The following GOLM2 variants were observed in gnomAD, a reference collection of about 807,000 sequenced individuals.
The protein encoded by GOLM2 is golgi membrane protein 2.
In GOLM2, 26 loss-of-function variants were observed where a neutral mutation model predicts 55.9. The ratio of observed to expected loss-of-function variants is 0.47; its 90% CI spans 0.34 to 0.65. The LOEUF is 0.65. Among genes scored for constraint, GOLM2 ranks in the 30% least tolerant of loss-of-function variants. GOLM2 has a pLI of 0.01. For missense variants in GOLM2, 486 were observed against 531.8 expected (o/e 0.91, Z 0.85); for synonymous variants, 165 against 194.6 (o/e 0.85, Z 1.27).
intron 1 of GOLM2, among the ~76,000 whole-genome samples, chr15:44,298,091 G>C (rs574657586): frequency 6.6e-6 from 1 of 150,716 alleles, no homozygotes; most frequent in African/African-American, 2.4e-5. Flanking sequence ...AGCTGGTCTC[G>C]AACTCCTGAC....
At chr15:44,351,315 G>A (rs916580160) in intron 6 of GOLM2, among the ~76,000 whole-genome samples, 1 of 152,066 alleles carries the variant, frequency 6.6e-6, no homozygotes, top group Non-Finnish European at 1.5e-5. Context: ...GGTGGCTCAC[G>A]CCTGTAATCC....
At chr15:44,315,694 G>A (rs1380979594) in intron 1 of GOLM2, among the ~76,000 whole-genome samples, 1 of 152,084 alleles carries the variant, frequency 6.6e-6, no homozygotes, top group Non-Finnish European at 1.5e-5. Flanking sequence ...TCTCAGGAAG[G>A]ACAGTAAACA....
chr15:44,384,577 T>C (rs1267468226), intron 8 of GOLM2, among the ~76,000 whole-genome samples: 3 of 152,070 alleles, frequency 2.0e-5, no homozygotes, highest in African/African-American at 7.2e-5. Context: ...AAACCCTGTC[T>C]CTACTAAAAA....
At chr15:44,365,306 C>T (rs181024763) in intron 6 of GOLM2, among the ~76,000 whole-genome samples, 3 of 152,198 alleles carry the variant, frequency 2.0e-5, no homozygotes, top group Admixed American at 6.5e-5. Context: ...GTTGACAGAT[C>T]GCTTGAGCCC....
At chr15:44,293,811 TGGA>T (rs1443149510) in intron 1 of GOLM2, among the ~76,000 whole-genome samples, 1 of 152,228 alleles carries the variant, frequency 6.6e-6, no homozygotes, top group Non-Finnish European at 1.5e-5. Flanking sequence ...CTGTACACTT[TGGA>T]AGAAAGTATG....
intron 1 of GOLM2, among the ~76,000 whole-genome samples, chr15:44,296,302 A>G (rs2141105804): frequency 6.6e-6 from 1 of 152,296 alleles, no homozygotes; most frequent in Non-Finnish European, 1.5e-5. Context: ...GATAAATAAA[A>G]GGAGCTGTTA....
intron 1 of GOLM2, among the ~76,000 whole-genome samples, chr15:44,310,108 T>C (rs1300639328): frequency 6.6e-6 from 1 of 152,132 alleles, no homozygotes; most frequent in African/African-American, 2.4e-5. Context: ...GGTCTGAAAC[T>C]CCTGACCTCA....
intron 6 of GOLM2, among the ~76,000 whole-genome samples, chr15:44,356,671 T>C (rs2079200337): frequency 6.6e-6 from 1 of 152,218 alleles, no homozygotes; most frequent in African/African-American, 2.4e-5. Flanking sequence ...CTACAGTCTC[T>C]TTCAGAAGAT....
At chr15:44,408,178 A>T (rs1051316901) in intron 9 of GOLM2, among the ~76,000 whole-genome samples, 2 of 152,192 alleles carry the variant, frequency 1.3e-5, no homozygotes, top group Admixed American at 1.3e-4. Flanking sequence ...ACTATTTAAA[A>T]TTTTGCTGCT....
chr15:44,298,734 G>A (rs189485844), intron 1 of GOLM2, among the ~76,000 whole-genome samples: 17 of 152,026 alleles, frequency 1.1e-4, no homozygotes, highest in Admixed American at 3.3e-4. Context: ...TTTTTCCTGC[G>A]GGAAAAATTG....
At chr15:44,312,743 C>T (rs1285255955) in intron 1 of GOLM2, among the ~76,000 whole-genome samples, 4 of 151,526 alleles carry the variant, frequency 2.6e-5, no homozygotes, top group African/African-American at 4.9e-5. Context: ...GTCAGGAGTT[C>T]GAGACCAGCC....
Position 44,330,809 on chromosome 15 carries a change from A to C in GOLM2, c.486-1179A>C, listed in dbSNP as rs191051688. 2.6e-5 allele frequency among the ~76,000 whole-genome samples: 4 copies of C among 152,280 alleles called. No homozygotes were observed. The East Asian group carries it at 7.7e-4, about 29-fold the overall frequency. The stretch of plus-strand genomic sequence containing the variant: ...TTTCTCAAATGTAGAATTCCTCTAA[A>C]AGAATGATTTACCAGTTTTGTTGCT... On this transcript the variant is annotated intron_variant, in intron 3 of 9. Coordinates refer to ENST00000299957, the MANE Select transcript of GOLM2 (RefSeq NM_138423.4).
chr15:44,412,917 C>G (rs2079647860), intron 9 of GOLM2, among the ~76,000 whole-genome samples: 1 of 151,558 alleles, frequency 6.6e-6, no homozygotes, highest in African/African-American at 2.4e-5. Flanking sequence ...GTAGGAGAAT[C>G]GCTTGATCCT....
At chr15:44,327,012 G>A (rs1376528268) in intron 2 of GOLM2, among the ~76,000 whole-genome samples, 4 of 149,798 alleles carry the variant, frequency 2.7e-5, no homozygotes, top group Admixed American at 1.3e-4. Context: ...GCACAGTGGC[G>A]TAATCTCGGC....
chr15:44,344,368 G>A (rs148740997), intron 6 of GOLM2, among the ~76,000 whole-genome samples: 2 of 151,086 alleles, frequency 1.3e-5, no homozygotes, highest in Non-Finnish European at 2.9e-5. Flanking sequence ...TTTTGTTTCA[G>A]CTTCTCAGCT....
chr15:44,357,634 C>CT (rs1479432018), intron 6 of GOLM2, among the ~76,000 whole-genome samples: 3 of 152,220 alleles, frequency 2.0e-5, no homozygotes, highest in Non-Finnish European at 4.4e-5. Context: ...ATGTCATTAT[C>CT]TTATATGTAG....
At chr15:44,322,329 T>C (rs933700654) in intron 1 of GOLM2, among the ~76,000 whole-genome samples, 2 of 152,220 alleles carry the variant, frequency 1.3e-5, no homozygotes, top group African/African-American at 4.8e-5. Context: ...ATCGCACCAC[T>C]GCACCGCAGC....
rs759325430 is a variant in GOLM2, at chr15:44,289,374, C to G, written c.327+18C>G. The stretch of plus-strand genomic sequence containing the variant: ...ATGACAAGGTAAGGACGACCCTTTT[C>G]TCTTCAAACCCCATGGTTTCTTTTC... On this transcript the variant is annotated intron_variant, in intron 1 of 9. Transcript: ENST00000299957. This position sits in a 1 kb window ranked among gnomAD's most constrained non-coding sequence, Gnocchi z 4.8. 6.9e-6 allele frequency: 11 copies of G among 1,591,724 alleles called. No homozygotes were observed. In the African/African-American group the frequency reaches 1.2e-4, roughly 18 times the overall value.
chr15:44,314,333 T>G (rs943870168), intron 1 of GOLM2, among the ~76,000 whole-genome samples: 1 of 151,722 alleles, frequency 6.6e-6, no homozygotes, highest in African/African-American at 2.4e-5. Flanking sequence ...CCAAGGCAGG[T>G]GGATCACCTG....
Sources: allele counts gnomAD v4.1 joint callset (sites outside exome capture counted in the v4.1 genomes callset), GRCh38; gene constraint gnomAD v4.1.1; non-coding constraint Gnocchi (gnomAD v3.1); transcripts MANE v1.5; gene names NCBI Gene and HGNC (gene_info 2026-07-23, HGNC 2026-07-21).